FILIP1L: variants seen among roughly 807,000 people sequenced by gnomAD.
The protein encoded by FILIP1L is filamin A interacting protein 1 like.
Under a neutral mutation model 96.6 loss-of-function variants are expected in FILIP1L, and 55 were observed. That is an observed-to-expected ratio of 0.57 (90% CI 0.46 to 0.71). The LOEUF (loss-of-function observed/expected upper bound fraction) is 0.71. FILIP1L is among the 30% of genes least tolerant of loss of function. FILIP1L has a pLI of 0.00. For synonymous variants in FILIP1L, 467 were observed against 473.9 expected, an observed-to-expected ratio of 0.99 and a Z score of 0.19; for missense variants, 1,304 against 1,321.2, an observed-to-expected ratio of 0.99 and a Z score of 0.20.
chr3:100,003,427 A>G (rs183763467), intron 1 of FILIP1L, among the ~76,000 whole-genome samples: 1 of 152,196 alleles, frequency 6.6e-6, no homozygotes, highest in Admixed American at 6.5e-5. Context: ...CCTAGAATAA[A>G]CCTGTAGCAA....
intron 5 of FILIP1L, among the ~76,000 whole-genome samples, chr3:99,837,414 G>C: frequency 6.6e-6 from 1 of 151,172 alleles, no homozygotes; most frequent in East Asian, 1.9e-4. Context: ...AAGAAGAATA[G>C]CTTTTTCTAG....
intron 1 of FILIP1L, among the ~76,000 whole-genome samples, chr3:100,093,569 C>G (rs1041600016): frequency 6.6e-6 from 1 of 152,084 alleles, no homozygotes; most frequent in Non-Finnish European, 1.5e-5. Flanking sequence ...AACCAGTTTC[C>G]TCCAATGGTA....
In FILIP1L at chr3:99,851,025, C is replaced by A; in HGVS notation, c.651G>T (p.Lys217Asn). 3 of 1,609,588 alleles carry A rather than the reference C, an allele frequency of 1.9e-6. No individual in the cohort carries two copies. Among genetic ancestry groups the A allele is most frequent in the Non-Finnish European group, 2.5e-6 (3 of 1,179,222 alleles). Residue 217 changes from lysine (K) to asparagine (N), a missense_variant, in exon 5 of 6, where the codon AAG becomes AAT. By Grantham distance (94) the Lys-to-Asn change is moderately conservative. Transcript: ENST00000477258. ...TGACCCTTTTCTCCTTTTCTTGCTC[C>A]TTCTCCTCCTGAGACTTGATTTCTT... is the stretch of plus-strand genomic sequence containing the variant. ...IDQEIKSQEE[K>N]EQEKEKRVTT...
intron 1 of FILIP1L, among the ~76,000 whole-genome samples, chr3:99,959,650 T>G (rs1221363909): frequency 6.6e-6 from 1 of 152,170 alleles, no homozygotes; most frequent in East Asian, 1.9e-4. Context: ...CTATAGCCTT[T>G]TAGAGATGGA....
rs140186560 is a variant in FILIP1L at position 100,038,857 on chromosome 3, G to A, written c.-11+75196C>T. On this transcript the variant is annotated intron_variant, in intron 1 of 5. Coordinates refer to ENST00000477258, the MANE Select transcript of FILIP1L (RefSeq NM_001387850.1). ...CCAGATGTATTGTTAAGTCCAAAAGGCACAGTACAGAACATATTGTCTATA... is the reference window on the plus strand; with the variant it reads ...CCAGATGTATTGTTAAGTCCAAAAGACACAGTACAGAACATATTGTCTATA... Among the ~76,000 whole-genome samples, 1,091 of 152,136 alleles carry A rather than the reference G, an allele frequency of 7.2e-3. 4 individuals carry two copies. The highest frequency in any genetic ancestry group is 9.9e-3 in the African/African-American group (412 of 41,510).
chr3:100,091,135 C>G (rs886805664), intron 1 of FILIP1L, among the ~76,000 whole-genome samples: 6 of 151,548 alleles, frequency 4.0e-5, no homozygotes, highest in African/African-American at 1.5e-4. Context: ...AATACAAAAA[C>G]TTAGCTGGGC....
At chr3:99,935,777 T>C (rs532496277) in intron 1 of FILIP1L, among the ~76,000 whole-genome samples, 1 of 152,372 alleles carries the variant, frequency 6.6e-6, no homozygotes, top group African/African-American at 2.4e-5. Flanking sequence ...TAGATCCTGC[T>C]TTGTTTTCCT....
At chr3:100,065,727 G>T (rs2065652660) in intron 1 of FILIP1L, among the ~76,000 whole-genome samples, 1 of 152,160 alleles carries the variant, frequency 6.6e-6, no homozygotes, top group South Asian at 2.1e-4. Context: ...CTGTATTCTT[G>T]TATCTAATTA....
At chr3:100,101,857 G>A (rs1465967827) in intron 1 of FILIP1L, among the ~76,000 whole-genome samples, 1 of 152,066 alleles carries the variant, frequency 6.6e-6, no homozygotes, top group Non-Finnish European at 1.5e-5. Context: ...ACCTACGAGT[G>A]AGAACATGCA....
intron 1 of FILIP1L, among the ~76,000 whole-genome samples, chr3:100,056,051 A>G (rs769898433): frequency 3.9e-5 from 6 of 152,216 alleles, no homozygotes; most frequent in South Asian, 4.1e-4. Flanking sequence ...AAGAAGATTC[A>G]TATTTGCTCA....
intron 1 of FILIP1L, among the ~76,000 whole-genome samples, chr3:100,002,214 G>T (rs554123622): frequency 6.6e-6 from 1 of 152,280 alleles, no homozygotes; most frequent in East Asian, 1.9e-4. Flanking sequence ...GGTAAATCAC[G>T]CACAGACTGA....
At chr3:99,880,690 A>AT (rs971904178) in intron 4 of FILIP1L, among the ~76,000 whole-genome samples, 3 of 151,938 alleles carry the variant, frequency 2.0e-5, no homozygotes, top group Admixed American at 6.6e-5. Context: ...TTAATTTAAA[A>AT]TTTTTTTTAT....
Position 99,948,643 on chromosome 3 carries a change from GAGAA to G in FILIP1L, c.-10-17617_-10-17614del, listed in dbSNP as rs538050686. Among the ~76,000 whole-genome samples, 108 of 148,270 alleles carry G rather than the reference GAGAA, an allele frequency of 7.3e-4. 1 individual carries two copies. In the South Asian group the frequency reaches 0.02, roughly 28 times the overall value. On this transcript the variant is annotated intron_variant, in intron 1 of 5. Transcript: ENST00000477258. ...AGAGAGAGGAAGGAGGAGGAGGAGG[GAGAA>G]AGAAAGAGGGGAAGGGAAGGGAAAG...
intron 4 of FILIP1L, among the ~76,000 whole-genome samples, chr3:99,867,021 G>A (rs1226776822): frequency 6.6e-6 from 1 of 152,190 alleles, no homozygotes; most frequent in Admixed American, 6.5e-5. Context: ...ATACTGAGAA[G>A]ACAGAAAATG....
intron 1 of FILIP1L, among the ~76,000 whole-genome samples, chr3:100,089,209 C>A (rs2066062903): frequency 6.6e-6 from 1 of 152,170 alleles, no homozygotes; most frequent in Non-Finnish European, 1.5e-5. Flanking sequence ...TTTTCAGTGG[C>A]TTAAAGATAT....
At chr3:99,875,747 C>T (rs1251458894) in intron 4 of FILIP1L, among the ~76,000 whole-genome samples, 2 of 152,056 alleles carry the variant, frequency 1.3e-5, no homozygotes, top group Non-Finnish European at 2.9e-5. Context: ...ATATAGTCTC[C>T]CCCACCCTTT....
intron 4 of FILIP1L, among the ~76,000 whole-genome samples, chr3:99,913,785 G>C (rs1019005463): frequency 6.6e-6 from 1 of 152,166 alleles, no homozygotes; most frequent in Non-Finnish European, 1.5e-5. Context: ...CTGTGAGTTG[G>C]AAATTACTTA....
At chr3:100,098,213 T>TA (rs1156392379) in intron 1 of FILIP1L, among the ~76,000 whole-genome samples, 5 of 152,014 alleles carry the variant, frequency 3.3e-5, no homozygotes, top group African/African-American at 1.2e-4. Flanking sequence ...TTATGACAGG[T>TA]AAAAAAACAA....
intron 1 of FILIP1L, among the ~76,000 whole-genome samples, chr3:99,975,890 C>G (rs1256914195): frequency 6.6e-6 from 1 of 152,034 alleles, no homozygotes; most frequent in Non-Finnish European, 1.5e-5. Flanking sequence ...TAAAATGTCT[C>G]TTTTTGTTGT....
Sources: allele counts gnomAD v4.1 joint callset (sites outside exome capture counted in the v4.1 genomes callset), GRCh38; gene constraint gnomAD v4.1.1; transcripts MANE v1.5; gene names NCBI Gene and HGNC (gene_info 2026-07-23, HGNC 2026-07-21).